The following SYNE1 variants were observed in gnomAD, a reference collection of about 807,000 sequenced individuals.
The protein encoded by SYNE1 is nesprin-1.
Under a neutral mutation model 1,111.0 loss-of-function variants are expected in SYNE1, and 616 were observed. That is an observed-to-expected ratio of 0.55 (90% CI 0.52 to 0.59). SYNE1 has a LOEUF of 0.59. SYNE1 is among the 20% of genes least tolerant of loss of function. SYNE1 has a pLI of 0.00. For missense variants in SYNE1, 10,006 were observed against 10,417.0 expected, an observed-to-expected ratio of 0.96 and a Z score of 1.72; for synonymous variants, 3,855 against 3,825.8, an observed-to-expected ratio of 1.01 and a Z score of -0.28.
intron 5 of SYNE1, among the ~76,000 whole-genome samples, chr6:152,523,184 C>T (rs2099148331): frequency 1.3e-5 from 2 of 151,580 alleles, no homozygotes; most frequent in Admixed American, 1.3e-4. Flanking sequence ...TATGGGGTTT[C>T]AGGTCTTAGA....
At chr6:152,601,857 G>A (rs1473150498) in intron 3 of SYNE1, among the ~76,000 whole-genome samples, 1 of 152,132 alleles carries the variant, frequency 6.6e-6, no homozygotes, top group Non-Finnish European at 1.5e-5. Context: ...CATATACTCA[G>A]AAGTAGGCTG....
rs1236907242 is a variant in SYNE1 at position 152,453,694 on chromosome 6, C to G, written c.2919G>C (p.Arg973Ser). The change falls in exon 25 of 146, where the codon AGG (arginine) becomes AGC (serine). Residue 973 changes from arginine (R) to serine (S), a missense_variant. Physicochemically the swap from Arg to Ser is moderately radical, Grantham distance 110. Around this residue, in one of 7 missense-constraint regions of SYNE1, gnomAD observed 1,971 missense variants for 2,084.1 expected, o/e 0.95. Coordinates refer to ENST00000367255, the MANE Select transcript of SYNE1 (RefSeq NM_182961.4). ...AAGCTTTCAGGAAAGCATTGAGCAC[C>G]CTCTGATCCAGCTGACTGAAAAACT... Reference protein sequence around the residue: ...HTEFFSQLDQRVLNAFLKACD... With the variant: ...HTEFFSQLDQSVLNAFLKACD... 6.2e-7 allele frequency: 1 copy of G among 1,614,130 alleles called. No individual in the cohort carries two copies. The highest frequency in any genetic ancestry group is 1.7e-5 in the Admixed American group (1 of 60,020).
intron 118 of SYNE1, among the ~76,000 whole-genome samples, 176 bp downstream of exon 118, chr6:152,221,249 TA>T (rs1365168600): frequency 6.6e-6 from 1 of 152,248 alleles, no homozygotes; most frequent in African/African-American, 2.4e-5. Context: ...ACAGTACTTC[TA>T]ATTCTTTCTA....
At chr6:152,308,696 T>C in intron 90 of SYNE1, 64 bp from the exon 91 acceptor site, 2 of 1,546,168 alleles carry the variant, frequency 1.3e-6, no homozygotes, top group Admixed American at 1.9e-5. Context: ...ACTAGGTAAG[T>C]GATTCTGTAG....
intron 72 of SYNE1, 94 bp downstream of exon 72, chr6:152,350,074 G>A (rs868068778): frequency 4.7e-6 from 7 of 1,499,684 alleles, no homozygotes; most frequent in Middle Eastern, 2.4e-4. Context: ...GCACCTGTGT[G>A]TGCACCCCCA....
chr6:152,388,875 T>C lies in SYNE1; in HGVS notation c.8177+1405A>G, dbSNP rs541421741. Among the ~76,000 whole-genome samples the C allele has an allele frequency of 5.9e-5, 9 of 152,368 alleles. No individual in the cohort carries two copies. The East Asian group carries it at 1.7e-3, about 29-fold the overall frequency. On this transcript the variant is annotated intron_variant, in intron 53 of 145. Coordinates refer to ENST00000367255, the MANE Select transcript of SYNE1 (RefSeq NM_182961.4). ...TCTGAAAAATATCTACCCATATTCC[T>C]ATGAAGTTTTAGGAAACTGGCCTAA...
chr6:152,602,847 T>G (rs1189476164), intron 3 of SYNE1, among the ~76,000 whole-genome samples: 1 of 151,876 alleles, frequency 6.6e-6, no homozygotes, highest in East Asian at 1.9e-4. Context: ...TAACAAAAAT[T>G]GATGAAGGTG....
At chr6:152,577,478 A>G (rs1160972307) in intron 3 of SYNE1, among the ~76,000 whole-genome samples, 1 of 152,062 alleles carries the variant, frequency 6.6e-6, no homozygotes, top group Non-Finnish European at 1.5e-5. Flanking sequence ...TAAAAACACA[A>G]AATAATTAGC....
At chr6:152,579,063 G>C (rs1293913573) in intron 3 of SYNE1, among the ~76,000 whole-genome samples, 2 of 152,138 alleles carry the variant, frequency 1.3e-5, no homozygotes, top group Non-Finnish European at 2.9e-5. Flanking sequence ...TTTAAATTTA[G>C]TAACTAAGAG....
chr6:152,336,702 A>T, intron 76 of SYNE1, 139 bp downstream of exon 76: 1 of 1,123,356 alleles, frequency 8.9e-7, no homozygotes, highest in Non-Finnish European at 1.3e-6. Context: ...GGGCTTGGGG[A>T]CCTCTGCCTT....
At chr6:152,611,428 A>G (rs1288954553) in intron 3 of SYNE1, among the ~76,000 whole-genome samples, 1 of 152,224 alleles carries the variant, frequency 6.6e-6, no homozygotes, top group Non-Finnish European at 1.5e-5. Flanking sequence ...AAAGGGATCA[A>G]TTCAACAAGA....
chr6:152,376,311 A>T (rs1490036855), intron 58 of SYNE1, 70 bp downstream of exon 58: 3 of 1,559,008 alleles, frequency 1.9e-6, no homozygotes, highest in African/African-American at 2.7e-5. Context: ...GGAGATGGGG[A>T]CCCTTGATTT....
chr6:152,220,347 A>G (rs1004146061), intron 119 of SYNE1, among the ~76,000 whole-genome samples: 4 of 152,202 alleles, frequency 2.6e-5, no homozygotes, highest in African/African-American at 9.7e-5. Context: ...TGGCAGCTAC[A>G]GTGAAAAAGA....
At chr6:152,206,639 G>A (rs918387775) in intron 125 of SYNE1, among the ~76,000 whole-genome samples, 5 of 152,118 alleles carry the variant, frequency 3.3e-5, no homozygotes, top group African/African-American at 9.7e-5. Context: ...CCCAGCAGGG[G>A]GCGCACCAAG....
At chr6:152,408,697 T>C (rs145721708) in intron 44 of SYNE1, among the ~76,000 whole-genome samples, 4 of 152,328 alleles carry the variant, frequency 2.6e-5, no homozygotes, top group African/African-American at 9.6e-5. Flanking sequence ...CTCACAAATG[T>C]AATCCCAGCA....
At chr6:152,259,126 T>C (rs2091501367) in intron 101 of SYNE1, among the ~76,000 whole-genome samples, 1 of 152,140 alleles carries the variant, frequency 6.6e-6, no homozygotes, top group African/African-American at 2.4e-5. Flanking sequence ...CCAAGCCCAT[T>C]CCCCATTGCA....
At chr6:152,388,818 C>T (rs1336430151) in intron 53 of SYNE1, among the ~76,000 whole-genome samples, 1 of 152,224 alleles carries the variant, frequency 6.6e-6, no homozygotes, top group Non-Finnish European at 1.5e-5. Context: ...GGACCAGAGT[C>T]TGCTTCCTGC....
At chr6:152,369,204 T>G in intron 60 of SYNE1, 77 bp from the exon 61 acceptor site, 1 of 1,576,164 alleles carries the variant, frequency 6.3e-7, no homozygotes, top group Non-Finnish European at 8.6e-7. Flanking sequence ...CCAGAGAACA[T>G]GGAAATCAAC....
At chr6:152,421,121 T>C (rs1271969403) in intron 39 of SYNE1, among the ~76,000 whole-genome samples, 1 of 152,228 alleles carries the variant, frequency 6.6e-6, no homozygotes, top group Non-Finnish European at 1.5e-5. Flanking sequence ...AGATTGGCCT[T>C]ATACTTTTCT....
Sources: gnomAD v4.1 joint callset for allele counts (sites outside exome capture counted in the v4.1 genomes callset) on GRCh38, gnomAD v4.1.1 for gene constraint, gnomAD v4.1.1 regional missense constraint, MANE v1.5 for transcripts, NCBI Gene and HGNC (gene_info 2026-07-23, HGNC 2026-07-21) for gene names.